Variants in ADTRP observed in about 807,000 individuals in gnomAD.
The protein encoded by ADTRP is androgen dependent TFPI regulating protein, also known as androgen-dependent TFPI-regulating protein.
Under a neutral mutation model 27.0 loss-of-function variants are expected in ADTRP, and 20 were observed. The ratio of observed to expected loss-of-function variants is 0.74; its 90% CI spans 0.52 to 1.08. The LOEUF is 1.08. Among genes scored for constraint, ADTRP ranks in the 50% least tolerant of loss-of-function variants. The probability of loss-of-function intolerance (pLI) is 0.00; values close to 1 mark genes in which losing one functional copy is unlikely to be tolerated. For missense variants in ADTRP, 251 were observed against 275.0 expected, an observed-to-expected ratio of 0.91 and a Z score of 0.62; for synonymous variants, 101 against 105.2, an observed-to-expected ratio of 0.96 and a Z score of 0.25.
At chr6:11,719,016 T>A (rs1761922952) in intron 5 of ADTRP, among the ~76,000 whole-genome samples, 1 of 152,240 alleles carries the variant, frequency 6.6e-6, no homozygotes, top group South Asian at 2.1e-4. Context: ...CTTGTCCATA[T>A]TCACCCACTG....
chr6:11,732,787 C>A (rs1762429470), intron 4 of ADTRP, among the ~76,000 whole-genome samples: 1 of 152,162 alleles, frequency 6.6e-6, no homozygotes, highest in Non-Finnish European at 1.5e-5. Context: ...CCTTCATTAC[C>A]AGTACTTTAA....
intron 1 of ADTRP, among the ~76,000 whole-genome samples, chr6:11,771,579 C>CA (rs1294526798): frequency 2.6e-5 from 4 of 152,206 alleles, no homozygotes; most frequent in East Asian, 1.9e-4. Context: ...TTATAAAACT[C>CA]AGGATGAGCT....
intron 3 of ADTRP, among the ~76,000 whole-genome samples, chr6:11,764,939 G>A (rs560841093): frequency 2.7e-5 from 4 of 147,448 alleles, no homozygotes; most frequent in Non-Finnish European, 5.9e-5. Flanking sequence ...CACTACATCA[G>A]TGTCTCAGAT....
intron 3 of ADTRP, among the ~76,000 whole-genome samples, chr6:11,760,996 C>T (rs939360350): frequency 6.6e-6 from 1 of 152,164 alleles, no homozygotes; most frequent in Non-Finnish European, 1.5e-5. Context: ...AATCTGAACC[C>T]TGGCTACACC....
chr6:11,774,161 T>A (rs1581375422), intron 1 of ADTRP, among the ~76,000 whole-genome samples: 1 of 138,894 alleles, frequency 7.2e-6, no homozygotes, highest in South Asian at 2.4e-4. Flanking sequence ...ACAAAAAAAA[T>A]TAGCCAGGCA....
intron 3 of ADTRP, among the ~76,000 whole-genome samples, chr6:11,753,608 A>T (rs1251585242): frequency 1.3e-5 from 2 of 152,234 alleles, no homozygotes; most frequent in Non-Finnish European, 2.9e-5. Flanking sequence ...AAGAGTATGC[A>T]TATTAATTAA....
rs1761742101 is a variant in ADTRP at position 11,714,371 on chromosome 6, A to G, written c.*107T>C. 1.8e-5 allele frequency: 23 copies of G among 1,281,354 alleles called. No individual in the cohort carries two copies. The highest frequency in any genetic ancestry group is 2.4e-5 in the Non-Finnish European group (22 of 907,572). 79.4% of individuals were successfully genotyped at this position (1,281,354 alleles called of 1,614,324 possible). ...TTAAGTATCACTCTCTGTCCCTCCT[A>G]CTTTGCTATGTTCCTCCACCACCTC... is the stretch of plus-strand genomic sequence containing the variant. On this transcript the variant is annotated 3_prime_UTR_variant, in exon 6 of 6. Transcript: ENST00000414691.
chr6:11,758,663 AC>A (rs1763303647), intron 3 of ADTRP, among the ~76,000 whole-genome samples: 1 of 151,304 alleles, frequency 6.6e-6, no homozygotes, highest in African/African-American at 2.4e-5. Flanking sequence ...GCACATGTAT[AC>A]ATATGTAACT....
At position 11,766,094 on chromosome 6, in the gene ADTRP, T is replaced by G. The variant is rs113034842; in HGVS notation, c.390+180A>C. On this transcript the variant is annotated intron_variant, in intron 3 of 5. Transcript: ENST00000414691. ...TCTCCTGTGTTCTCAGTAGACTCAC[T>G]GTAATTATAGCACTGGCTTGTGTTC... 1.6e-3 allele frequency among the ~76,000 whole-genome samples: 240 copies of G among 152,358 alleles called. 4 individuals carry two copies. The highest frequency in any genetic ancestry group is 5.5e-3 in the African/African-American group (230 of 41,582).
At chr6:11,736,284 C>A (rs78435467) in intron 3 of ADTRP, 21,296 of 153,306 alleles carry the variant, frequency 0.14, 2,737 homozygotes, top group East Asian at 0.63. Context: ...CACATTCATG[C>A]ACAAACATGC....
At chr6:11,761,608 T>C (rs767837115) in intron 3 of ADTRP, among the ~76,000 whole-genome samples, 18 of 152,202 alleles carry the variant, frequency 1.2e-4, no homozygotes, top group Non-Finnish European at 1.9e-4. Flanking sequence ...AAAGCACATA[T>C]GAGTGATTTT....
intron 4 of ADTRP, among the ~76,000 whole-genome samples, chr6:11,724,312 G>A (rs1377775390): frequency 6.6e-6 from 1 of 152,162 alleles, no homozygotes; most frequent in African/African-American, 2.4e-5. Context: ...CAGAGATAGA[G>A]CGTTATTGCC....
chr6:11,714,369 C>A lies in ADTRP; in HGVS notation c.*109G>T. ...ATTTAAGTATCACTCTCTGTCCCTC[C>A]TACTTTGCTATGTTCCTCCACCACC... On this transcript the variant is annotated 3_prime_UTR_variant, in exon 6 of 6. Transcript: ENST00000414691. 7.9e-7 allele frequency: 1 copy of A among 1,263,104 alleles called. No individual in the cohort carries two copies. Among genetic ancestry groups the A allele is most frequent in the South Asian group, 1.3e-5 (1 of 76,252 alleles). 78.2% of individuals were successfully genotyped at this position (1,263,104 alleles called of 1,614,324 possible).
chr6:11,760,255 C>T (rs762196143), intron 3 of ADTRP, among the ~76,000 whole-genome samples: 3 of 152,180 alleles, frequency 2.0e-5, no homozygotes, highest in Non-Finnish European at 2.9e-5. Flanking sequence ...ATCCTCCCCC[C>T]ACACACTCTC....
intron 1 of ADTRP, 116 bp from the exon 2 acceptor site, chr6:11,768,499 T>A: frequency 7.3e-7 from 1 of 1,362,348 alleles, no homozygotes; most frequent in South Asian, 1.4e-5. Context: ...AGAGGGCTGT[T>A]GGGTTGTTTT....
At chr6:11,725,246 T>C (rs1008079391) in intron 4 of ADTRP, among the ~76,000 whole-genome samples, 6 of 152,172 alleles carry the variant, frequency 3.9e-5, no homozygotes, top group South Asian at 2.1e-4. Context: ...ATCCATGGAA[T>C]GGGAAACAAT....
rs1271527206 is a variant in ADTRP at position 11,716,955 on chromosome 6, A to G, written c.659-2443T>C. 2.7e-5 allele frequency among the ~76,000 whole-genome samples: 4 copies of G among 146,168 alleles called. No individual in the cohort carries two copies. The Admixed American group carries it at 2.8e-4, about 10-fold the overall frequency. On this transcript the variant is annotated intron_variant, in intron 5 of 5. Coordinates refer to ENST00000414691, the MANE Select transcript of ADTRP (RefSeq NM_032744.4). The stretch of plus-strand genomic sequence containing the variant: ...AGGCCAGGCTTCTCTTGAACTCCTG[A>G]GCTCAAGTGATCCACCCGCCTCGGC...
intron 3 of ADTRP, among the ~76,000 whole-genome samples, chr6:11,750,183 A>AC (rs1762998287): frequency 6.6e-6 from 1 of 152,196 alleles, no homozygotes; most frequent in South Asian, 2.1e-4. Context: ...AAATTAAAAA[A>AC]CAGCCACTGT....
At chr6:11,735,297 G>T (rs1762514003) in intron 4 of ADTRP, among the ~76,000 whole-genome samples, 1 of 152,198 alleles carries the variant, frequency 6.6e-6, no homozygotes, top group Admixed American at 6.5e-5. Context: ...AAGATGAGTG[G>T]CTTTGCAATG....
Sources: allele counts gnomAD v4.1 joint callset (sites outside exome capture counted in the v4.1 genomes callset), GRCh38; gene constraint gnomAD v4.1.1; transcripts MANE v1.5; gene names NCBI Gene and HGNC (gene_info 2026-07-23, HGNC 2026-07-21).